The following MACROD2 variants were observed in gnomAD, a reference collection of about 807,000 sequenced individuals.
MACROD2 encodes mono-ADP ribosylhydrolase 2.
MACROD2 carries 36 observed loss-of-function variants against 70.4 expected under a neutral mutation model. The observed-to-expected ratio is 0.51, with a 90% CI of 0.39 to 0.68. The LOEUF is 0.68. Among genes scored for constraint, MACROD2 ranks in the 30% least tolerant of loss-of-function variants. The probability of loss-of-function intolerance (pLI) is 0.00; values close to 1 mark genes in which losing one functional copy is unlikely to be tolerated. For missense variants in MACROD2, 496 were observed against 538.4 expected, an observed-to-expected ratio of 0.92 and a Z score of 0.78; for synonymous variants, 172 against 178.8, an observed-to-expected ratio of 0.96 and a Z score of 0.30.
chr20:14,228,948 T>A (rs1481705026), intron 3 of MACROD2, among the ~76,000 whole-genome samples: 1 of 147,382 alleles, frequency 6.8e-6, no homozygotes, highest in Non-Finnish European at 1.5e-5. Context: ...CAGCAGAGGT[T>A]GCAGTGAGCC....
At chr20:14,977,418 T>C (rs1260254729) in intron 5 of MACROD2, among the ~76,000 whole-genome samples, 1 of 151,026 alleles carries the variant, frequency 6.6e-6, no homozygotes, top group Non-Finnish European at 1.5e-5. Flanking sequence ...GTAGGTAATA[T>C]TTAAGTACAA....
intron 10 of MACROD2, among the ~76,000 whole-genome samples, chr20:15,927,545 A>G (rs2065508894): frequency 6.6e-6 from 1 of 152,168 alleles, no homozygotes; most frequent in African/African-American, 2.4e-5. Context: ...AAAGTCGAAT[A>G]CGACGGTATG....
At chr20:15,290,408 A>C (rs1309330680) in intron 6 of MACROD2, among the ~76,000 whole-genome samples, 1 of 152,116 alleles carries the variant, frequency 6.6e-6, no homozygotes. Context: ...AAGCCAGTTG[A>C]GTTTCTCATA....
chr20:14,288,006 C>T (rs1350095215), intron 3 of MACROD2, among the ~76,000 whole-genome samples: 1 of 152,014 alleles, frequency 6.6e-6, no homozygotes, highest in East Asian at 1.9e-4. Context: ...TTTCCATATT[C>T]TATTGCTTAG....
chr20:15,166,189 A>C lies in MACROD2; in HGVS notation c.419-63751A>C, dbSNP rs148320855. Among the ~76,000 whole-genome samples the C allele has an allele frequency of 1.5e-3, 231 of 152,282 alleles. 1 individual carries two copies. The highest frequency in any genetic ancestry group is 5.2e-3 in the African/African-American group (217 of 41,570). ...GGACAACCCTGTAAATTTCCTAAAA[A>C]ATCACTGGATTTTACTACAGTGGAC... is the stretch of plus-strand genomic sequence containing the variant. On this transcript the variant is annotated intron_variant, in intron 5 of 17. Coordinates refer to ENST00000684519, the MANE Select transcript of MACROD2 (RefSeq NM_001351661.2).
intron 3 of MACROD2, among the ~76,000 whole-genome samples, chr20:14,129,192 C>T (rs2054688315): frequency 6.6e-6 from 1 of 152,146 alleles, no homozygotes; most frequent in African/African-American, 2.4e-5. Flanking sequence ...ATTAAGAACA[C>T]TTGTAATTCA....
chr20:15,401,577 T>A (rs1177839428), intron 6 of MACROD2, among the ~76,000 whole-genome samples: 2 of 152,184 alleles, frequency 1.3e-5, no homozygotes, highest in Non-Finnish European at 2.9e-5. Flanking sequence ...TTACCAAACC[T>A]CTCTGTGTTT....
rs1375697163 is a variant in MACROD2 at position 15,987,143 on chromosome 20, AAAG to A, written c.1142_1144del (p.Glu381del). ...TCCATTAACAGAGGACCAAGAAGAA[AAAG>A]AAGGTGAAAAAGGTAGGACTGCTCT... On this transcript the variant is annotated inframe_deletion, in exon 15 of 18. Transcript: ENST00000684519. 4 of 1,610,330 alleles carry A rather than the reference AAAG, an allele frequency of 2.5e-6. No individual in the cohort carries two copies. Among genetic ancestry groups the A allele is most frequent in the Non-Finnish European group, 8.5e-7 (1 of 1,179,140 alleles).
intron 5 of MACROD2, among the ~76,000 whole-genome samples, chr20:14,889,766 T>A (rs2073729689): frequency 6.6e-6 from 1 of 152,150 alleles, no homozygotes; most frequent in Non-Finnish European, 1.5e-5. Flanking sequence ...CTGTAAGACA[T>A]CTGGGTTTAA....
chr20:14,585,520 A>T (rs926926641), intron 4 of MACROD2, among the ~76,000 whole-genome samples: 21 of 152,042 alleles, frequency 1.4e-4, no homozygotes, highest in African/African-American at 4.8e-4. Context: ...ATCTTTACAG[A>T]TGTATAACTA....
chr20:14,073,903 T>A (rs1211055260), intron 2 of MACROD2, among the ~76,000 whole-genome samples: 1 of 152,174 alleles, frequency 6.6e-6, no homozygotes, highest in African/African-American at 2.4e-5. Flanking sequence ...TTTAGTTAGG[T>A]CCCTCTGGAC....
intron 10 of MACROD2, among the ~76,000 whole-genome samples, chr20:15,928,579 C>T (rs1338007519): frequency 2.0e-5 from 3 of 152,242 alleles, no homozygotes; most frequent in Non-Finnish European, 4.4e-5. Flanking sequence ...GGAATCTTAA[C>T]ACGCCTGTGT....
intron 3 of MACROD2, among the ~76,000 whole-genome samples, chr20:14,289,294 G>C (rs1237508597): frequency 6.6e-6 from 1 of 152,078 alleles, no homozygotes; most frequent in East Asian, 1.9e-4. Context: ...TTCCTAAATT[G>C]TCTATCAGTC....
intron 8 of MACROD2, among the ~76,000 whole-genome samples, chr20:15,572,763 A>G (rs1600610383): frequency 6.6e-6 from 1 of 152,122 alleles, no homozygotes; most frequent in African/African-American, 2.4e-5. Flanking sequence ...TTCACTGCCA[A>G]CTTACTGAAA....
chr20:14,891,051 T>C (rs1278009170), intron 5 of MACROD2, among the ~76,000 whole-genome samples: 1 of 145,854 alleles, frequency 6.9e-6, no homozygotes, highest in African/African-American at 2.5e-5. Flanking sequence ...CTCCTTTCCT[T>C]CTTCTTCCTC....
At chr20:14,234,401 C>T (rs866634063) in intron 3 of MACROD2, among the ~76,000 whole-genome samples, 9 of 152,186 alleles carry the variant, frequency 5.9e-5, no homozygotes, top group Middle Eastern at 3.4e-3. Context: ...TATGGACTCT[C>T]AATTGTTCTT....
chr20:15,438,628 AT>A (rs11477915), intron 7 of MACROD2, among the ~76,000 whole-genome samples: 97,287 of 151,948 alleles, frequency 0.64, 32,042 homozygotes, highest in African/African-American at 0.78. Context: ...ACTTTCTGAA[AT>A]TTTTTTAGCA....
At chr20:15,679,474 T>C (rs915069592) in intron 8 of MACROD2, among the ~76,000 whole-genome samples, 1 of 152,122 alleles carries the variant, frequency 6.6e-6, no homozygotes, top group African/African-American at 2.4e-5. Flanking sequence ...CCCCCAAGGT[T>C]CATGCCCTAT....
intron 5 of MACROD2, among the ~76,000 whole-genome samples, chr20:14,997,012 G>A (rs2074955621): frequency 6.6e-6 from 1 of 152,294 alleles, no homozygotes; most frequent in Non-Finnish European, 1.5e-5. Context: ...GCTGTGCTGA[G>A]CTCACAGCCA....
Sources: allele counts gnomAD v4.1 joint callset (sites outside exome capture counted in the v4.1 genomes callset), GRCh38; gene constraint gnomAD v4.1.1; transcripts MANE v1.5; gene names NCBI Gene and HGNC (gene_info 2026-07-23, HGNC 2026-07-21).